TTC34: variants seen among roughly 807,000 people sequenced by gnomAD.
The protein encoded by TTC34 is tetratricopeptide repeat domain 34, also known as tetratricopeptide repeat protein 34.
In TTC34, 44 loss-of-function variants were observed where a neutral mutation model predicts 40.7. The observed-to-expected ratio is 1.08, with a 90% CI of 0.85 to 1.39. The LOEUF (loss-of-function observed/expected upper bound fraction) is 1.39. Among genes scored for constraint, TTC34 ranks in the 40% most tolerant of loss-of-function variants. The pLI is 0.00. For synonymous variants in TTC34, 422 were observed against 398.6 expected, an observed-to-expected ratio of 1.06 and a Z score of -0.70; for missense variants, 884 against 838.0, an observed-to-expected ratio of 1.05 and a Z score of -0.68.
At chr1:2,788,281 G>C (rs899598385) in intron 3 of TTC34, among the ~76,000 whole-genome samples, 14 of 150,930 alleles carry the variant, frequency 9.3e-5, no homozygotes, top group Admixed American at 9.2e-4. Context: ...TTATGTACAT[G>C]TTGTGTGTTG....
Position 2,645,176 on chromosome 1 carries a change from G to T in TTC34, c.2497+117C>A. 8.0e-7 allele frequency: 1 copy of T among 1,246,488 alleles called. No individual in the cohort carries two copies. The highest frequency in any genetic ancestry group is 1.0e-6 in the Non-Finnish European group (1 of 961,256). 77.2% of individuals were successfully genotyped at this position (1,246,488 alleles called of 1,614,324 possible). On this transcript the variant is annotated intron_variant, in intron 7 of 8. Transcript: ENST00000401095. This position sits in a 1 kb window ranked among gnomAD's most constrained non-coding sequence, Gnocchi z 4.7. ...TGGGATTTGGGGTGGAAGGGACCTT[G>T]GAAGCTGTTGTGGTCCGGGTCTCTT...
chr1:2,777,746 G>A (rs1643321499), intron 6 of TTC34, among the ~76,000 whole-genome samples: 1 of 151,820 alleles, frequency 6.6e-6, no homozygotes, highest in Admixed American at 6.6e-5. Flanking sequence ...CAGGCATGAC[G>A]GGGCGAGGGC....
intron 6 of TTC34, among the ~76,000 whole-genome samples, chr1:2,754,806 A>G (rs1641450519): frequency 4.0e-5 from 6 of 150,554 alleles, no homozygotes; most frequent in South Asian, 4.2e-4. Flanking sequence ...ACAGCCTGGA[A>G]CAGAAACCAC....
At chr1:2,798,897 C>CCCAGACTT (rs1643741854) in intron 2 of TTC34, among the ~76,000 whole-genome samples, 1 of 115,954 alleles carries the variant, frequency 8.6e-6, no homozygotes, top group Admixed American at 8.4e-5. Context: ...CCCCCAGCCT[C>CCCAGACTT]CCAGCCTCTC....
At chr1:2,656,355 A>C (rs1485018599) in intron 6 of TTC34, among the ~76,000 whole-genome samples, 5 of 142,370 alleles carry the variant, frequency 3.5e-5, no homozygotes, top group South Asian at 2.3e-4. Flanking sequence ...AGCATCTGAC[A>C]GCCTGGAACA....
chr1:2,694,788 A>G lies in TTC34; in HGVS notation c.2227-49225T>C, dbSNP rs1393699057. Among the ~76,000 whole-genome samples the G allele has an allele frequency of 2.4e-5, 2 of 82,542 alleles. 1 individual carries two copies. Among genetic ancestry groups the G allele is most frequent in the Admixed American group, 2.3e-4 (2 of 8,720 alleles). 54.2% of individuals were successfully genotyped at this position (82,542 alleles called of 152,430 possible). On this transcript the variant is annotated intron_variant, in intron 6 of 8. Coordinates refer to ENST00000401095, the Ensembl canonical transcript of TTC34. ...CATCCGACAGCCTGGAGCAGCACCC[A>G]CACACCCAGGCGAGCATCTGACAGC...
chr1:2,799,491 C>T lies in TTC34; in HGVS notation c.784+553G>A, dbSNP rs139054093. 1.8e-3 allele frequency among the ~76,000 whole-genome samples: 280 copies of T among 152,048 alleles called. 1 individual carries two copies. The highest frequency in any genetic ancestry group is 6.4e-3 in the African/African-American group (266 of 41,438). On this transcript the variant is annotated intron_variant, in intron 2 of 8. Coordinates refer to ENST00000401095, the Ensembl canonical transcript of TTC34. The stretch of plus-strand genomic sequence containing the variant: ...CCAGTGGGTGGAGGTTGCGGTGAGC[C>T]GAGATCGCCCCATTGCACTCCAGCC...
chr1:2,753,043 C>A (rs1641377123), intron 6 of TTC34, among the ~76,000 whole-genome samples: 3 of 150,800 alleles, frequency 2.0e-5, no homozygotes, highest in South Asian at 2.1e-4. Flanking sequence ...CAGCCTGGAG[C>A]AGCACCCACA....
chr1:2,656,338 C>G (rs1430528498), intron 6 of TTC34, among the ~76,000 whole-genome samples: 4 of 150,818 alleles, frequency 2.7e-5, no homozygotes, highest in African/African-American at 9.8e-5. Flanking sequence ...ACTCACACCC[C>G]CAGGTGAGCA....
rs1424630592 is a variant in TTC34 at position 2,645,415 on chromosome 1, G to T, written c.2375C>A (p.Thr792Asn). ...GTCCTTGTCCTCGAGAGGGGCCCCAGTGTCTGGCAGCTGGCTCAGAAGGGC... is the reference window on the plus strand; with the variant it reads ...GTCCTTGTCCTCGAGAGGGGCCCCATTGTCTGGCAGCTGGCTCAGAAGGGC... The change falls in exon 7 of 9, where the codon ACT (threonine) becomes AAT (asparagine). Residue 792 changes from threonine (T) to asparagine (N), a missense_variant. By Grantham distance (65) the Thr-to-Asn change is moderately conservative. Transcript: ENST00000401095. The surrounding 1 kb of genome is among the most constrained non-coding windows in gnomAD (Gnocchi z 4.7). 1 of 1,535,906 alleles carries T rather than the reference G, an allele frequency of 6.5e-7. No homozygotes were observed.
chr1:2,799,684 C>T (rs1643752086), intron 2 of TTC34, among the ~76,000 whole-genome samples: 1 of 152,180 alleles, frequency 6.6e-6, no homozygotes, highest in South Asian at 2.1e-4. Context: ...TTCCCCTTCC[C>T]TCCGACAGTC....
chr1:2,657,344 A>T (rs28436079), intron 6 of TTC34, among the ~76,000 whole-genome samples: 1 of 95,572 alleles, frequency 1.0e-5, no homozygotes, highest in African/African-American at 3.3e-5. Flanking sequence ...CCCATAGCCC[A>T]AGGTGAGCAT....
chr1:2,645,248 C>T lies in TTC34; in HGVS notation c.2497+45G>A, dbSNP rs546201369. Reference sequence around the variant, plus strand: ...GATACAGAGGTCAGAGGAGCGGGGACAGAAGCCCAGACCCCGTGTTTCCCA... The same window carrying T: ...GATACAGAGGTCAGAGGAGCGGGGATAGAAGCCCAGACCCCGTGTTTCCCA... On this transcript the variant is annotated intron_variant, in intron 7 of 8. Transcript: ENST00000401095. This position sits in a 1 kb window ranked among gnomAD's most constrained non-coding sequence, Gnocchi z 4.7. 8.7e-5 allele frequency: 125 copies of T among 1,433,060 alleles called. No homozygotes were observed. In the African/African-American group the frequency reaches 1.5e-3, roughly 18 times the overall value. The allele number at this position is 1,433,060 out of a possible 1,614,324, so 88.8% of individuals were successfully genotyped here.
chr1:2,771,483 C>G (rs1326486871), intron 6 of TTC34, among the ~76,000 whole-genome samples: 3 of 81,606 alleles, frequency 3.7e-5, no homozygotes, highest in Non-Finnish European at 4.4e-5. Context: ...AGCATCCACA[C>G]CCCCAGGCGA....
intron 6 of TTC34, among the ~76,000 whole-genome samples, chr1:2,650,888 G>A (rs780421319): frequency 1.6e-5 from 2 of 127,430 alleles, no homozygotes; most frequent in Non-Finnish European, 3.3e-5. Flanking sequence ...CAGCTGACAG[G>A]CTGCAACAGC....
In TTC34 at chr1:2,777,591, A is replaced by T. The variant is rs370481941; in HGVS notation, c.2226+6018T>A. 3.3e-4 allele frequency among the ~76,000 whole-genome samples: 50 copies of T among 150,296 alleles called. 1 individual carries two copies. The East Asian group carries it at 6.0e-3, about 18-fold the overall frequency. ...GAGAGACAGGACAGGGTTGTTGGCC[A>T]GGAGGAGGGGCCTGCTGCTGAGCCC... is the stretch of plus-strand genomic sequence containing the variant. On this transcript the variant is annotated intron_variant, in intron 6 of 8. Transcript: ENST00000401095.
intron 6 of TTC34, among the ~76,000 whole-genome samples, chr1:2,768,395 C>A (rs1401462820): frequency 1.3e-5 from 2 of 151,904 alleles, no homozygotes; most frequent in South Asian, 2.1e-4. Context: ...GAGCATATGA[C>A]AGCCCGGAAC....
intron 6 of TTC34, among the ~76,000 whole-genome samples, chr1:2,652,487 CCAGG>C (rs1639178638): frequency 2.9e-5 from 1 of 34,746 alleles, no homozygotes; most frequent in African/African-American, 8.7e-5. Context: ...ACCCACACCC[CCAGG>C]CGAGCATCTG....
At chr1:2,683,301 G>A (rs1557606268) in intron 6 of TTC34, among the ~76,000 whole-genome samples, 1 of 150,248 alleles carries the variant, frequency 6.7e-6, no homozygotes, top group Non-Finnish European at 1.5e-5. Flanking sequence ...GCCTGGAACA[G>A]AATCCACACC....
Sources: gnomAD v4.1 joint callset for allele counts (sites outside exome capture counted in the v4.1 genomes callset) on GRCh38, gnomAD v4.1.1 for gene constraint, Gnocchi (gnomAD v3.1) non-coding constraint, MANE v1.5 for transcripts, NCBI Gene and HGNC (gene_info 2026-07-23, HGNC 2026-07-21) for gene names.